The following RERG variants were observed in gnomAD, a reference collection of about 807,000 sequenced individuals.
RERG encodes ras-related and estrogen-regulated growth inhibitor.
In RERG, 25 loss-of-function variants were observed where a neutral mutation model predicts 23.2. That is an observed-to-expected ratio of 1.08 (90% confidence interval 0.79 to 1.50). The LOEUF (loss-of-function observed/expected upper bound fraction) is 1.50, where lower values mean the gene tolerates loss of function less well. RERG is among the 40% of genes most tolerant of loss of function. The pLI is 0.00. For synonymous variants in RERG, 81 were observed against 89.1 expected, an observed-to-expected ratio of 0.91 and a Z score of 0.51; for missense variants, 253 against 250.1, an observed-to-expected ratio of 1.01 and a Z score of -0.08.
chr12:15,154,857 C>T (rs1267473856), intron 2 of RERG, among the ~76,000 whole-genome samples: 4 of 152,100 alleles, frequency 2.6e-5, no homozygotes, highest in Non-Finnish European at 5.9e-5. Flanking sequence ...TTAAAAGGGT[C>T]TTTCCTAATA....
At chr12:15,133,133 T>C (rs1864080304) in intron 2 of RERG, among the ~76,000 whole-genome samples, 1 of 118,210 alleles carries the variant, frequency 8.5e-6, no homozygotes, top group Non-Finnish European at 1.7e-5. Flanking sequence ...CTTGGGGTTG[T>C]ATATCCTGTG....
intron 1 of RERG, among the ~76,000 whole-genome samples, chr12:15,219,273 G>A (rs576767663): frequency 5.6e-4 from 85 of 152,232 alleles, no homozygotes; most frequent in East Asian, 1.4e-3. Flanking sequence ...GTGAAAATCC[G>A]CCTGAAAAAG....
At chr12:15,162,009 T>C (rs1276577784) in intron 2 of RERG, among the ~76,000 whole-genome samples, 2 of 152,168 alleles carry the variant, frequency 1.3e-5, no homozygotes, top group African/African-American at 2.4e-5. Flanking sequence ...TTCGAGAGCA[T>C]TGTAGAAATA....
At chr12:15,183,814 T>G (rs1029278282) in intron 2 of RERG, among the ~76,000 whole-genome samples, 2 of 152,176 alleles carry the variant, frequency 1.3e-5, no homozygotes, top group African/African-American at 2.4e-5. Flanking sequence ...TACCCTAAAC[T>G]TACTTGTTTC....
intron 2 of RERG, among the ~76,000 whole-genome samples, chr12:15,214,859 TG>T (rs1865418949): frequency 6.6e-6 from 1 of 152,006 alleles, no homozygotes; most frequent in East Asian, 1.9e-4. Flanking sequence ...AAAATAAAAT[TG>T]GTAGATATGA....
intron 3 of RERG, among the ~76,000 whole-genome samples, chr12:15,118,392 G>T (rs1863770172): frequency 6.6e-6 from 1 of 151,996 alleles, no homozygotes; most frequent in Admixed American, 6.6e-5. Context: ...AAAAAAAACT[G>T]CCCCATGTTT....
At chr12:15,114,650 GAAGAGC>G (rs1195494912) in intron 3 of RERG, 1 of 152,080 alleles carries the variant, frequency 6.6e-6, no homozygotes, top group African/African-American at 2.4e-5. Context: ...ACATCATTTT[GAAGAGC>G]AATTCACTAG....
At chr12:15,172,319 T>C (rs1864788553) in intron 2 of RERG, among the ~76,000 whole-genome samples, 2 of 152,322 alleles carry the variant, frequency 1.3e-5, no homozygotes, top group East Asian at 1.9e-4. Flanking sequence ...TAAGTATTTC[T>C]TTTTATACTG....
chr12:15,135,140 G>A (rs769909150), intron 2 of RERG, among the ~76,000 whole-genome samples: 10 of 151,994 alleles, frequency 6.6e-5, no homozygotes, highest in East Asian at 5.8e-4. Context: ...CATAGGTCTC[G>A]CACATATTGT....
chr12:15,209,928 T>G (rs921929857), intron 2 of RERG, among the ~76,000 whole-genome samples: 3 of 152,206 alleles, frequency 2.0e-5, no homozygotes, highest in African/African-American at 7.2e-5. Flanking sequence ...GTATCTCTCA[T>G]ATGTATGGAT....
At chr12:15,162,866 G>T (rs1864634331) in intron 2 of RERG, among the ~76,000 whole-genome samples, 1 of 152,056 alleles carries the variant, frequency 6.6e-6, no homozygotes, top group Non-Finnish European at 1.5e-5. Context: ...ATGGAACCTA[G>T]ACCTCCTTAC....
intron 2 of RERG, among the ~76,000 whole-genome samples, chr12:15,133,146 G>GATATATATATATATATATATATATAT (rs376565973): frequency 2.0e-4 from 25 of 125,210 alleles, no homozygotes; most frequent in African/African-American, 7.7e-4. Flanking sequence ...ATCCTGTGGA[G>GATATATATATATATATATATATATAT]ATATATATAT....
intron 2 of RERG, among the ~76,000 whole-genome samples, chr12:15,177,762 A>G (rs912920507): frequency 6.6e-6 from 1 of 152,106 alleles, no homozygotes; most frequent in African/African-American, 2.4e-5. Flanking sequence ...GACAGAGTCT[A>G]AGAAGAATGT....
intron 3 of RERG, among the ~76,000 whole-genome samples, chr12:15,119,885 G>T (rs1863800066): frequency 6.6e-6 from 1 of 152,162 alleles, no homozygotes; most frequent in Non-Finnish European, 1.5e-5. Context: ...ACTGAACAGA[G>T]TAGCCAAAAT....
At chr12:15,170,474 G>T (rs1246002127) in intron 2 of RERG, among the ~76,000 whole-genome samples, 3 of 152,064 alleles carry the variant, frequency 2.0e-5, no homozygotes, top group Non-Finnish European at 4.4e-5. Context: ...TTTTTTAAAA[G>T]CACATTTTCT....
chr12:15,159,949 T>A (rs1282659082), intron 2 of RERG, among the ~76,000 whole-genome samples: 1 of 152,170 alleles, frequency 6.6e-6, no homozygotes, highest in East Asian at 1.9e-4. Flanking sequence ...ATTAAGAAAA[T>A]TTTGATATTC....
intron 2 of RERG, among the ~76,000 whole-genome samples, chr12:15,177,849 T>G (rs1864873225): frequency 6.6e-6 from 1 of 151,076 alleles, no homozygotes; most frequent in South Asian, 2.1e-4. Context: ...GTTTTTTTTT[T>G]TTTTTTTTTT....
rs1305253229 is a variant in RERG, at chr12:15,163,944, G to A, written c.62-42825C>T. Among the ~76,000 whole-genome samples the A allele has an allele frequency of 2.6e-5, 4 of 152,144 alleles. No individual in the cohort carries two copies. In the East Asian group the frequency reaches 7.7e-4, roughly 29 times the overall value. On this transcript the variant is annotated intron_variant, in intron 2 of 4. Coordinates refer to ENST00000256953, the MANE Select transcript of RERG (RefSeq NM_032918.3). Reference sequence around the variant, plus strand: ...GAGGAGAGTGGAGAGAGGAGAGAGAGAGAAACATTGTGGTTTTTCCTTTCC... The same window carrying A: ...GAGGAGAGTGGAGAGAGGAGAGAGAAAGAAACATTGTGGTTTTTCCTTTCC...
intron 2 of RERG, among the ~76,000 whole-genome samples, chr12:15,194,835 T>C (rs1865120859): frequency 6.6e-6 from 1 of 151,886 alleles, no homozygotes; most frequent in African/African-American, 2.4e-5. Context: ...CACGGGGCAA[T>C]GGGTTCTCTA....
Sources: gnomAD v4.1 joint callset for allele counts (sites outside exome capture counted in the v4.1 genomes callset) on GRCh38, gnomAD v4.1.1 for gene constraint, MANE v1.5 for transcripts, NCBI Gene and HGNC (gene_info 2026-07-23, HGNC 2026-07-21) for gene names.